The following SGK3 variants were observed in gnomAD, a reference collection of about 807,000 sequenced individuals.
The protein encoded by SGK3 is serine/threonine-protein kinase Sgk3.
SGK3 carries 47 observed loss-of-function variants against 68.5 expected under a neutral mutation model. The observed-to-expected ratio is 0.69, with a 90% CI of 0.54 to 0.87. The LOEUF (loss-of-function observed/expected upper bound fraction) is 0.87, where lower values mean the gene tolerates loss of function less well. SGK3 is among the 40% of genes least tolerant of loss of function. The pLI is 0.00. For missense variants in SGK3, 479 were observed against 575.5 expected, an observed-to-expected ratio of 0.83 and a Z score of 1.72; for synonymous variants, 181 against 189.1, an observed-to-expected ratio of 0.96 and a Z score of 0.35.
chr8:66,822,045 G>A (rs189227774), intron 5 of SGK3, among the ~76,000 whole-genome samples: 1 of 148,260 alleles, frequency 6.7e-6, no homozygotes, highest in Admixed American at 6.7e-5. Flanking sequence ...GCCAGGTAAC[G>A]GACATAACGT....
intron 1 of SGK3, among the ~76,000 whole-genome samples, chr8:66,772,682 TC>T (rs1806551549): frequency 6.6e-6 from 1 of 151,832 alleles, no homozygotes; most frequent in South Asian, 2.1e-4. Context: ...TGCCTCAGCC[TC>T]CTGAGTAGCT....
intron 1 of SGK3, among the ~76,000 whole-genome samples, chr8:66,773,184 C>T (rs1446972607): frequency 6.6e-6 from 1 of 152,094 alleles, no homozygotes; most frequent in Non-Finnish European, 1.5e-5. Flanking sequence ...CAGATGAGTA[C>T]ACAAGAGAGT....
intron 5 of SGK3, among the ~76,000 whole-genome samples, chr8:66,818,144 G>A (rs537622994): frequency 2.0e-5 from 3 of 152,002 alleles, no homozygotes; most frequent in South Asian, 4.2e-4. Context: ...AAAAAACAAA[G>A]CAAAACTTTT....
Position 66,846,108 on chromosome 8 carries a change from T to C in SGK3, c.1075-1085T>C, listed in dbSNP as rs1810002973. Reference sequence around the variant, plus strand: ...GGTTTTTTTTTGTTTTTGTTTTTGTTTTTTAAAAAAGAACAGTAACATTTT... The same window carrying C: ...GGTTTTTTTTTGTTTTTGTTTTTGTCTTTTAAAAAAGAACAGTAACATTTT... On this transcript the variant is annotated intron_variant, in intron 14 of 16. Coordinates refer to ENST00000521198, the MANE Select transcript of SGK3 (RefSeq NM_001033578.3). 2.0e-5 allele frequency among the ~76,000 whole-genome samples: 3 copies of C among 152,114 alleles called. No individual in the cohort carries two copies. In the South Asian group the frequency reaches 6.2e-4, roughly 32 times the overall value.
intron 4 of SGK3, among the ~76,000 whole-genome samples, chr8:66,810,293 G>A (rs1046442365): frequency 6.6e-6 from 1 of 151,500 alleles, no homozygotes; most frequent in African/African-American, 2.4e-5. Flanking sequence ...AAAAATAAAA[G>A]GTGAGGAATG....
At chr8:66,759,372 G>A (rs1806086478) in intron 1 of SGK3, among the ~76,000 whole-genome samples, 1 of 151,422 alleles carries the variant, frequency 6.6e-6, no homozygotes, top group Non-Finnish European at 1.5e-5. Flanking sequence ...GGCCAGGCGT[G>A]AGCCACTGTG....
chr8:66,743,183 G>A (rs1805531869), intron 1 of SGK3, among the ~76,000 whole-genome samples: 1 of 152,130 alleles, frequency 6.6e-6, no homozygotes, highest in Non-Finnish European at 1.5e-5. Flanking sequence ...TCAATTTAGT[G>A]GGTTGTTAGC....
chr8:66,723,296 T>A (rs1804878258), intron 1 of SGK3, among the ~76,000 whole-genome samples: 1 of 150,392 alleles, frequency 6.6e-6, no homozygotes, highest in African/African-American at 2.4e-5. Context: ...CAAAAAAATT[T>A]AGCCAGGCAT....
chr8:66,731,538 T>C (rs1256205208), intron 1 of SGK3, among the ~76,000 whole-genome samples: 3 of 152,138 alleles, frequency 2.0e-5, no homozygotes, highest in Non-Finnish European at 4.4e-5. Context: ...ATTTATTTTG[T>C]TTGTTTGTTT....
At chr8:66,824,499 CAGTA>C (rs1436987248) in intron 6 of SGK3, among the ~76,000 whole-genome samples, 1 of 151,898 alleles carries the variant, frequency 6.6e-6, no homozygotes, top group East Asian at 1.9e-4. Context: ...GAACTGATAA[CAGTA>C]AGGTAAAACA....
At chr8:66,758,269 G>A (rs1806049346) in intron 1 of SGK3, among the ~76,000 whole-genome samples, 1 of 151,918 alleles carries the variant, frequency 6.6e-6, no homozygotes, top group East Asian at 1.9e-4. Flanking sequence ...CATGAGAATA[G>A]CTTGAACCTG....
intron 15 of SGK3, among the ~76,000 whole-genome samples, chr8:66,849,113 T>A (rs2130744074): frequency 6.6e-6 from 1 of 152,322 alleles, no homozygotes; most frequent in South Asian, 2.1e-4. Flanking sequence ...TTTTCTTCCG[T>A]GCTGTCTTCC....
chr8:66,713,521 G>A (rs1563590209), intron 1 of SGK3, among the ~76,000 whole-genome samples: 1 of 152,240 alleles, frequency 6.6e-6, no homozygotes, highest in Non-Finnish European at 1.5e-5. Flanking sequence ...AGACTACTTA[G>A]TGTGCACTTG....
intron 10 of SGK3, among the ~76,000 whole-genome samples, chr8:66,839,053 G>T (rs1809659450): frequency 6.6e-6 from 1 of 152,060 alleles, no homozygotes; most frequent in Non-Finnish European, 1.5e-5. Flanking sequence ...AAAACCAACA[G>T]AATGGATAAA....
chr8:66,757,999 A>ACACACACAC (rs1491520945), intron 1 of SGK3, among the ~76,000 whole-genome samples: 3 of 134,634 alleles, frequency 2.2e-5, no homozygotes, highest in African/African-American at 9.3e-5. Context: ...GTATATATAT[A>ACACACACAC]CACACACACA....
intron 8 of SGK3, among the ~76,000 whole-genome samples, chr8:66,834,490 GT>G (rs1234581590): frequency 1.3e-5 from 2 of 151,898 alleles, no homozygotes; most frequent in African/African-American, 2.4e-5. Context: ...GTTTTGTTTT[GT>G]TTTGTTTTTT....
At chr8:66,726,058 G>A (rs1006122204) in intron 1 of SGK3, among the ~76,000 whole-genome samples, 1 of 151,962 alleles carries the variant, frequency 6.6e-6, no homozygotes, top group Non-Finnish European at 1.5e-5. Flanking sequence ...AGATAATTGC[G>A]CCCTTTTCAA....
In SGK3 at chr8:66,745,945, C is replaced by A. The variant is rs548084230; in HGVS notation, c.-122+33112C>A. On this transcript the variant is annotated intron_variant, in intron 1 of 16. Coordinates refer to ENST00000521198, the MANE Select transcript of SGK3 (RefSeq NM_001033578.3). Reference sequence around the variant, plus strand: ...CCTCCCAAAAGAGCCCACCTCCCAACACCTGTGCTTAGGGGATTAAGTTTC... The same window carrying A: ...CCTCCCAAAAGAGCCCACCTCCCAAAACCTGTGCTTAGGGGATTAAGTTTC... 3.0e-4 allele frequency among the ~76,000 whole-genome samples: 45 copies of A among 152,274 alleles called. No individual in the cohort carries two copies. The South Asian group carries it at 8.9e-3, about 30-fold the overall frequency.
intron 10 of SGK3, among the ~76,000 whole-genome samples, chr8:66,839,302 G>C (rs1332026595): frequency 3.3e-5 from 5 of 150,930 alleles, no homozygotes; most frequent in Admixed American, 2.0e-4. Context: ...AAATGAACTA[G>C]AAAGTCCAAC....
Sources: allele counts gnomAD v4.1 joint callset (sites outside exome capture counted in the v4.1 genomes callset), GRCh38; gene constraint gnomAD v4.1.1; transcripts MANE v1.5; gene names NCBI Gene and HGNC (gene_info 2026-07-23, HGNC 2026-07-21).